The following RCOR1 variants were observed in gnomAD, a reference collection of about 807,000 sequenced individuals.
RCOR1 encodes the protein REST corepressor 1.
RCOR1 carries 12 observed loss-of-function variants against 64.0 expected under a neutral mutation model. The ratio of observed to expected loss-of-function variants is 0.19; its 90% confidence interval spans 0.12 to 0.30. The LOEUF (loss-of-function observed/expected upper bound fraction) is 0.30. Among genes scored for constraint, RCOR1 ranks in the 10% least tolerant of loss-of-function variants. The pLI is 1.00. For missense variants in RCOR1, 502 were observed against 621.2 expected (o/e 0.81, Z 2.04); for synonymous variants, 279 against 227.2 (o/e 1.23, Z -2.05).
chr14:102,608,863 C>G (rs975532311), intron 2 of RCOR1, among the ~76,000 whole-genome samples: 2 of 151,862 alleles, frequency 1.3e-5, no homozygotes, highest in Admixed American at 6.6e-5. Context: ...CTACACCTGG[C>G]TCATTCATTT....
chr14:102,687,188 GAGAC>G (rs1167413587), intron 3 of RCOR1, among the ~76,000 whole-genome samples: 2 of 152,194 alleles, frequency 1.3e-5, no homozygotes, highest in Non-Finnish European at 2.9e-5. Context: ...CTGTAATGGA[GAGAC>G]AGAAAAAATG....
chr14:102,664,490 TA>T, intron 2 of RCOR1, among the ~76,000 whole-genome samples: 1 of 152,344 alleles, frequency 6.6e-6, no homozygotes, highest in East Asian at 1.9e-4. Context: ...ATTTTTGAAA[TA>T]ACCTTCCCAT....
At chr14:102,626,518 T>C (rs1261240502) in intron 2 of RCOR1, among the ~76,000 whole-genome samples, 1 of 152,188 alleles carries the variant, frequency 6.6e-6, no homozygotes, top group Non-Finnish European at 1.5e-5. Context: ...GGAGGATGGC[T>C]GAGAGATTTA....
rs1057306218 is a variant in RCOR1, at chr14:102,728,463, A to G, written c.*1957A>G. 4 of 152,194 alleles carry G rather than the reference A, an allele frequency of 2.6e-5. No homozygotes were observed. The highest frequency in any genetic ancestry group is 7.2e-5 in the African/African-American group (3 of 41,442). The allele number at this position is 152,194 out of a possible 1,614,324, so 9.4% of individuals were successfully genotyped here. On this transcript the variant is annotated 3_prime_UTR_variant, in exon 12 of 12. Transcript: ENST00000262241. ...AGTTTGCACATTGCATAAAGGGTAC[A>G]CTAAGGTATGAGCTGAAGCTTTAGG...
At chr14:102,726,365 A>T in intron 11 of RCOR1, 103 bp from the exon 12 acceptor site, 19 of 884,994 alleles carry the variant, frequency 2.1e-5, no homozygotes, top group Non-Finnish European at 3.3e-5. Context: ...TTTGCTCTGC[A>T]GGTTTGCTGG....
chr14:102,714,857 A>G (rs1437043447), intron 8 of RCOR1, among the ~76,000 whole-genome samples: 1 of 152,224 alleles, frequency 6.6e-6, no homozygotes, highest in Non-Finnish European at 1.5e-5. Flanking sequence ...AAGCATATGA[A>G]TATCATATTT....
At chr14:102,721,221 T>C in intron 9 of RCOR1, 99 bp from the exon 10 acceptor site, 1 of 1,220,068 alleles carries the variant, frequency 8.2e-7, no homozygotes, top group South Asian at 1.3e-5. Flanking sequence ...CCAGTTGATG[T>C]TAAAATTCCG....
chr14:102,706,822 AAATAATAAT>A (rs57117799), intron 4 of RCOR1, among the ~76,000 whole-genome samples: 6 of 150,310 alleles, frequency 4.0e-5, no homozygotes, highest in African/African-American at 1.2e-4. Context: ...ACCCTGTCTC[AAATAATAAT>A]AATAATAATA....
At chr14:102,712,944 A>ATT (rs1447250252) in intron 7 of RCOR1, among the ~76,000 whole-genome samples, 3 of 118,958 alleles carry the variant, frequency 2.5e-5, no homozygotes, top group South Asian at 2.8e-4. Flanking sequence ...TGGCTAAATC[A>ATT]TTGTTTTTTT....
intron 2 of RCOR1, among the ~76,000 whole-genome samples, chr14:102,661,579 G>A (rs548149393): frequency 1.3e-5 from 2 of 152,216 alleles, no homozygotes; most frequent in South Asian, 4.1e-4. Flanking sequence ...AGTGCTTCAG[G>A]AAAAGCAATG....
At chr14:102,639,543 T>TTATA (rs934036677) in intron 2 of RCOR1, among the ~76,000 whole-genome samples, 2 of 147,376 alleles carry the variant, frequency 1.4e-5, no homozygotes, top group African/African-American at 5.2e-5. Context: ...ATTTATTTAT[T>TTATA]TATTTATTGA....
chr14:102,722,425 GAAAC>G lies in RCOR1; in HGVS notation c.1419+13_1419+16del. The G allele has an allele frequency of 6.3e-7, 1 of 1,599,138 alleles. No individual in the cohort carries two copies. Reference sequence around the variant, plus strand: ...CCGAAGAGGAAGACGAGGTAAATCTGAAACAAAACAGTCACTTCTCTTGTCAGGT... The same window carrying G: ...CCGAAGAGGAAGACGAGGTAAATCTGAAAACAGTCACTTCTCTTGTCAGGT... On this transcript the variant is annotated intron_variant, in intron 11 of 11. Coordinates refer to ENST00000262241, the MANE Select transcript of RCOR1 (RefSeq NM_015156.4).
intron 3 of RCOR1, among the ~76,000 whole-genome samples, chr14:102,686,252 T>C (rs1161781633): frequency 6.6e-6 from 1 of 152,202 alleles, no homozygotes; most frequent in African/African-American, 2.4e-5. Flanking sequence ...CTTAATACAT[T>C]TCTTATTTTC....
intron 2 of RCOR1, among the ~76,000 whole-genome samples, chr14:102,615,424 G>A (rs1197256327): frequency 6.6e-6 from 1 of 151,086 alleles, no homozygotes; most frequent in Non-Finnish European, 1.5e-5. Flanking sequence ...TTATAGGCAT[G>A]AGCCACCTTG....
At chr14:102,726,320 G>A (rs1359750743) in intron 11 of RCOR1, 148 bp from the exon 12 acceptor site, 72 of 695,846 alleles carry the variant, frequency 1.0e-4, no homozygotes, top group Admixed American at 2.3e-4. Flanking sequence ...AGTGAGACCT[G>A]TCTCCCCTCC....
At chr14:102,653,662 T>C (rs963610191) in intron 2 of RCOR1, among the ~76,000 whole-genome samples, 1 of 152,244 alleles carries the variant, frequency 6.6e-6, no homozygotes, top group Admixed American at 6.5e-5. Context: ...GGTGCTATTT[T>C]CATGATAGTG....
chr14:102,714,346 T>G (rs1259956972), intron 7 of RCOR1, 77 bp from the exon 8 acceptor site: 2 of 925,616 alleles, frequency 2.2e-6, no homozygotes, highest in Non-Finnish European at 3.2e-6. Flanking sequence ...TGGTGCCATG[T>G]TAAGGAAATA....
intron 11 of RCOR1, among the ~76,000 whole-genome samples, chr14:102,723,587 T>C (rs1198643338): frequency 6.6e-6 from 1 of 152,250 alleles, no homozygotes; most frequent in Non-Finnish European, 1.5e-5. Flanking sequence ...TAGCTCTGCC[T>C]GAAAAGAGCA....
At chr14:102,720,919 G>A in intron 8 of RCOR1, 88 bp from the exon 9 acceptor site, 1 of 682,294 alleles carries the variant, frequency 1.5e-6, no homozygotes, top group South Asian at 2.3e-5. Flanking sequence ...TTACTCTTGG[G>A]TTTTTGTTTC....
Sources: allele counts gnomAD v4.1 joint callset (sites outside exome capture counted in the v4.1 genomes callset), GRCh38; gene constraint gnomAD v4.1.1; transcripts MANE v1.5; gene names NCBI Gene and HGNC (gene_info 2026-07-23, HGNC 2026-07-21).